The following SLC25A42 variants were observed in gnomAD, a reference collection of about 807,000 sequenced individuals.
The protein encoded by SLC25A42 is mitochondrial coenzyme A transporter SLC25A42.
Under a neutral mutation model 34.7 loss-of-function variants are expected in SLC25A42, and 19 were observed. That is an observed-to-expected ratio of 0.55 (90% CI 0.38 to 0.80). The LOEUF (loss-of-function observed/expected upper bound fraction) is 0.80. Ranked by LOEUF, SLC25A42 falls within the 30% of genes least tolerant of loss-of-function variation. The probability of loss-of-function intolerance (pLI) is 0.00; values close to 1 mark genes in which losing one functional copy is unlikely to be tolerated. For missense variants in SLC25A42, 364 were observed against 441.3 expected (o/e 0.82, Z 1.57); for synonymous variants, 205 against 191.2 (o/e 1.07, Z -0.59).
chr19:19,078,034 C>T (rs142473815), intron 1 of SLC25A42, among the ~76,000 whole-genome samples: 2 of 152,310 alleles, frequency 1.3e-5, no homozygotes, highest in African/African-American at 2.4e-5. Flanking sequence ...ATACCACACA[C>T]GTGTTCCCAT....
intron 6 of SLC25A42, chr19:19,106,617 T>A: frequency 2.8e-6 from 1 of 352,022 alleles, no homozygotes; most frequent in Non-Finnish European, 5.2e-6. Flanking sequence ...CATTTTGAAC[T>A]GGGCACAGAT....
chr19:19,096,255 C>CCCCCCCCCCCCA, intron 2 of SLC25A42, 50 bp downstream of exon 2: 1 of 1,250,472 alleles, frequency 8.0e-7, no homozygotes, highest in East Asian at 4.1e-5. Flanking sequence ...GCCCCAGCCT[C>CCCCCCCCCCCCA]CCCACCCCCC....
chr19:19,076,599 C>G (rs1163700606), intron 1 of SLC25A42, among the ~76,000 whole-genome samples: 2 of 152,250 alleles, frequency 1.3e-5, no homozygotes, highest in Non-Finnish European at 2.9e-5. Context: ...GCCTGCCCCA[C>G]TCCCAGGTTT....
In SLC25A42 at chr19:19,096,172, T is replaced by C. The variant is rs754192930; in HGVS notation, c.48T>C (p.Ala16=). 14 of 1,612,984 alleles carry C rather than the reference T, an allele frequency of 8.7e-6. No homozygotes were observed. Among genetic ancestry groups the C allele is most frequent in the African/African-American group, 1.4e-5 (1 of 73,952 alleles). The part of the protein sequence containing the change: ...KEGPVRLHED[A]EAVLSSSVSS... ...GCCCGGTGCGATTGCATGAGGATGC[T>C]GAGGCTGTCCTGTCCTCGTCCGTCT... Residue 16 remains alanine, a synonymous_variant, in exon 2 of 8, where the codon GCT becomes GCC. Transcript: ENST00000318596.
intron 1 of SLC25A42, among the ~76,000 whole-genome samples, chr19:19,092,308 C>G (rs2059742286): frequency 6.6e-6 from 1 of 152,234 alleles, no homozygotes; most frequent in South Asian, 2.1e-4. Flanking sequence ...TCGTTCCACC[C>G]CCTCCAGTTA....
intron 1 of SLC25A42, among the ~76,000 whole-genome samples, chr19:19,068,399 G>C (rs553494237): frequency 6.7e-6 from 1 of 150,088 alleles, no homozygotes; most frequent in South Asian, 2.1e-4. Context: ...AGGCATGGTG[G>C]CTCACGCCTT....
intron 1 of SLC25A42, among the ~76,000 whole-genome samples, chr19:19,086,154 T>G (rs763848380): frequency 4.6e-5 from 7 of 152,164 alleles, no homozygotes; most frequent in Non-Finnish European, 1.0e-4. Context: ...GTTTTAGCAC[T>G]TTATGAGAGA....
intron 5 of SLC25A42, chr19:19,106,062 A>T: frequency 1.8e-6 from 1 of 556,312 alleles, no homozygotes; most frequent in Non-Finnish European, 3.2e-6. Context: ...AGCAGGGGGG[A>T]AGGGAAGGCA....
intron 1 of SLC25A42, among the ~76,000 whole-genome samples, chr19:19,095,385 A>T (rs1025564946): frequency 6.6e-6 from 1 of 151,974 alleles, no homozygotes; most frequent in Admixed American, 6.6e-5. Context: ...AGGCTAAGGC[A>T]GGCAGATCAC....
intron 1 of SLC25A42, among the ~76,000 whole-genome samples, chr19:19,069,312 G>T (rs1037636250): frequency 2.6e-5 from 4 of 152,208 alleles, no homozygotes; most frequent in Admixed American, 1.3e-4. Context: ...GTGAGGTTCT[G>T]GCAGGCAAAT....
At chr19:19,065,457 C>T (rs992051230) in intron 1 of SLC25A42, among the ~76,000 whole-genome samples, 1 of 152,116 alleles carries the variant, frequency 6.6e-6, no homozygotes, top group African/African-American at 2.4e-5. Context: ...TTTTTAGTTC[C>T]CTTGAGTCTG....
intron 5 of SLC25A42, 148 bp downstream of exon 5, chr19:19,105,875 A>T (rs1376282245): frequency 2.2e-5 from 15 of 683,844 alleles, no homozygotes; most frequent in Non-Finnish European, 3.6e-5. Context: ...GAGACTCCTC[A>T]CCCAGGCCCT....
chr19:19,066,103 C>T (rs2059600622), intron 1 of SLC25A42, among the ~76,000 whole-genome samples: 1 of 152,158 alleles, frequency 6.6e-6, no homozygotes. Flanking sequence ...GTGATCTGCT[C>T]GCCTCAGCCT....
At chr19:19,084,088 G>T (rs996546500) in intron 1 of SLC25A42, among the ~76,000 whole-genome samples, 1 of 151,490 alleles carries the variant, frequency 6.6e-6, no homozygotes, top group Non-Finnish European at 1.5e-5. Flanking sequence ...GCCCCTGCAG[G>T]CACCTCCAGG....
At chr19:19,102,913 G>A (rs1466788644) in intron 3 of SLC25A42, among the ~76,000 whole-genome samples, 3 of 152,034 alleles carry the variant, frequency 2.0e-5, no homozygotes, top group Non-Finnish European at 4.4e-5. Context: ...GAAGGTGTGG[G>A]CAGGGCTGCG....
In SLC25A42 at chr19:19,106,330, C is replaced by G. The variant is rs757578000; in HGVS notation, c.442C>G (p.Leu148Val). Residue 148 changes from leucine to valine, a missense_variant, in exon 6 of 8, where the codon CTG (leucine) becomes GTG (valine). By Grantham distance (32) the Leu-to-Val change is conservative. Coordinates refer to ENST00000318596, the MANE Select transcript of SLC25A42 (RefSeq NM_178526.5). ...GALAGTTAAS[L>V]TYPLDLVRAR... ...ACTGGCTGGAACGACAGCCGCTTCACTGACCTACCCCCTGGACCTGGTCAG... is the reference window on the plus strand; with the variant it reads ...ACTGGCTGGAACGACAGCCGCTTCAGTGACCTACCCCCTGGACCTGGTCAG... The G allele has an allele frequency of 1.2e-5, 20 of 1,613,720 alleles. No individual in the cohort carries two copies. The South Asian group carries it at 2.2e-4, about 18-fold the overall frequency.
At chr19:19,065,238 G>A (rs1238371151) in intron 1 of SLC25A42, among the ~76,000 whole-genome samples, 1 of 152,114 alleles carries the variant, frequency 6.6e-6, no homozygotes, top group Non-Finnish European at 1.5e-5. Flanking sequence ...CATCTTGGGT[G>A]CCTCCTGCAG....
chr19:19,095,342 G>A (rs1045112802), intron 1 of SLC25A42, among the ~76,000 whole-genome samples: 3 of 151,736 alleles, frequency 2.0e-5, no homozygotes, highest in African/African-American at 2.4e-5. Flanking sequence ...GGCCAGGTGC[G>A]GTGGCTCATG....
chr19:19,067,839 A>G (rs1046222870), intron 1 of SLC25A42, among the ~76,000 whole-genome samples: 6 of 151,990 alleles, frequency 3.9e-5, no homozygotes, highest in Non-Finnish European at 8.8e-5. Flanking sequence ...CAATTGTCCA[A>G]TTTCTCACCA....
Sources: allele counts gnomAD v4.1 joint callset (sites outside exome capture counted in the v4.1 genomes callset), GRCh38; gene constraint gnomAD v4.1.1; transcripts MANE v1.5; gene names NCBI Gene and HGNC (gene_info 2026-07-23, HGNC 2026-07-21).